The following ASDURF variants were observed in gnomAD, a reference collection of about 807,000 sequenced individuals.
The protein encoded by ASDURF is ASDURF protein.
Under a neutral mutation model 3.3 loss-of-function variants are expected in ASDURF, and 3 were observed. The observed-to-expected ratio is 0.92, with a 90% CI of 0.42 to 2.37. The LOEUF (loss-of-function observed/expected upper bound fraction) is 2.37. ASDURF is among the 30% of genes most tolerant of loss of function. The pLI, the probability that ASDURF is intolerant of heterozygous loss-of-function variation, is 0.05. For synonymous variants in ASDURF, 11 were observed against 8.3 expected, an observed-to-expected ratio of 1.32 and a Z score of -0.55; for missense variants, 23 against 25.4, an observed-to-expected ratio of 0.90 and a Z score of 0.21.
At position 189,665,617 on chromosome 2, in the gene ASDURF, T is replaced by TAC. The variant is rs1559034463; in HGVS notation, c.220+167_220+168insCA. Reference sequence around the variant, plus strand: ...ATATGTGTATATATATATATATATATATATATATATATATATATATATATA... The same window carrying TAC: ...ATATGTGTATATATATATATATATATACATATATATATATATATATATATATA... On this transcript the variant is annotated intron_variant, in intron 3 of 3. Coordinates refer to ENST00000607829, the MANE Select transcript of ASDURF (RefSeq NM_001353493.2). 2.0e-4 allele frequency among the ~76,000 whole-genome samples: 22 copies of TAC among 110,160 alleles called. 2 individuals are homozygous for TAC. The highest frequency in any genetic ancestry group is 8.3e-4 in the African/African-American group (22 of 26,460). The allele number at this position is 110,160 out of a possible 152,430, so 72.3% of individuals were successfully genotyped here. A position where few individuals can be genotyped will look rare whatever the true frequency, so the allele number is the denominator to read the frequency against.
At chr2:189,665,644 A>ATATATATATATATATATATATG (rs1455945789) in intron 3 of ASDURF, among the ~76,000 whole-genome samples, 193 bp downstream of exon 3, 29 of 123,740 alleles carry the variant, frequency 2.3e-4, no homozygotes, top group South Asian at 7.1e-4. Context: ...ATATATATAT[A>ATATATATATATATATATATATG]TATTATAAAT....
intron 1 of ASDURF, among the ~76,000 whole-genome samples, chr2:189,663,166 T>A (rs184959855): frequency 2.6e-4 from 39 of 151,996 alleles, no homozygotes; most frequent in South Asian, 4.1e-4. Flanking sequence ...TGCTTTTTTT[T>A]AAATCTAAAT....
At chr2:189,663,252 T>TTTATTTAA (rs2032711289) in intron 1 of ASDURF, among the ~76,000 whole-genome samples, 1 of 151,590 alleles carries the variant, frequency 6.6e-6, no homozygotes, top group Non-Finnish European at 1.5e-5. Context: ...TTTTAAATTA[T>TTTATTTAA]TTATTTATTT....
intron 2 of ASDURF, among the ~76,000 whole-genome samples, chr2:189,664,541 A>G (rs571143913): frequency 6.6e-6 from 1 of 152,334 alleles, no homozygotes. Flanking sequence ...TTATGTAATA[A>G]CTGGCTGGTT....
At chr2:189,665,984 G>A in intron 3 of ASDURF, 57 bp from the exon 4 acceptor site, 1 of 842,052 alleles carries the variant, frequency 1.2e-6, no homozygotes, top group Non-Finnish European at 1.7e-6. Context: ...TGAATTGCTA[G>A]GTAAAAGTCC....
At chr2:189,665,102 GTAT>G (rs964833610) in intron 2 of ASDURF, among the ~76,000 whole-genome samples, 39 of 152,274 alleles carry the variant, frequency 2.6e-4, no homozygotes, top group African/African-American at 8.9e-4. Context: ...ATAAGAAAAA[GTAT>G]TCTCAATATA....
chr2:189,665,527 A>G, intron 3 of ASDURF, 76 bp downstream of exon 3: 1 of 368,824 alleles, frequency 2.7e-6, no homozygotes, highest in Non-Finnish European at 4.8e-6. Context: ...ATATATCTAA[A>G]GATTAATGCA....
chr2:189,666,200 T>C lies in ASDURF; in HGVS notation c.*89T>C, dbSNP rs1559034700. 1.9e-6 allele frequency: 3 copies of C among 1,610,814 alleles called. No homozygotes were observed. In the East Asian group the frequency reaches 6.7e-5, roughly 36 times the overall value. Reference sequence around the variant, plus strand: ...TTCAGTCAAGATTTAAAAGAGGACTTACTATATAATCTTAAACAGCGGGGA... The same window carrying C: ...TTCAGTCAAGATTTAAAAGAGGACTCACTATATAATCTTAAACAGCGGGGA... On this transcript the variant is annotated 3_prime_UTR_variant, in exon 4 of 4. Transcript: ENST00000607829.
chr2:189,665,616 A>ATATATATATATATATATG (rs2032778671), intron 3 of ASDURF, among the ~76,000 whole-genome samples, 165 bp downstream of exon 3: 1 of 107,000 alleles, frequency 9.3e-6, no homozygotes, highest in African/African-American at 3.7e-5. Context: ...ATATATATAT[A>ATATATATATATATATATG]TATATATATA....
At chr2:189,661,751 C>G (rs1252668438) in intron 1 of ASDURF, 141 bp downstream of exon 1, 4 of 397,452 alleles carry the variant, frequency 1.0e-5, no homozygotes, top group Non-Finnish European at 1.8e-5. Context: ...ATTCATAGCA[C>G]TTGACAGCCA....
intron 3 of ASDURF, among the ~76,000 whole-genome samples, 183 bp downstream of exon 3, chr2:189,665,634 A>ATGTGTG (rs1254218394): frequency 1.6e-5 from 2 of 124,596 alleles, no homozygotes; most frequent in Non-Finnish European, 3.4e-5. Flanking sequence ...ATATATATAT[A>ATGTGTG]TATATATATA....
intron 1 of ASDURF, among the ~76,000 whole-genome samples, chr2:189,663,069 C>T (rs770717171): frequency 1.1e-4 from 17 of 151,594 alleles, no homozygotes; most frequent in Non-Finnish European, 1.9e-4. Flanking sequence ...CCAAATAGGG[C>T]ATTGCTTGAT....
chr2:189,662,228 G>A (rs1015670082), intron 1 of ASDURF, among the ~76,000 whole-genome samples: 6 of 152,180 alleles, frequency 3.9e-5, no homozygotes, highest in Admixed American at 2.6e-4. Context: ...GAGAGAGGAA[G>A]CCAATATAAT....
chr2:189,662,023 C>A (rs1015535844), intron 1 of ASDURF, among the ~76,000 whole-genome samples: 1 of 152,208 alleles, frequency 6.6e-6, no homozygotes, highest in African/African-American at 2.4e-5. Context: ...AAGCTCATTT[C>A]AAATATGTCC....
At chr2:189,663,726 C>T (rs550484778) in intron 1 of ASDURF, among the ~76,000 whole-genome samples, 175 bp from the exon 2 acceptor site, 1 of 152,152 alleles carries the variant, frequency 6.6e-6, no homozygotes, top group Non-Finnish European at 1.5e-5. Context: ...GAACTGTACC[C>T]CCACACAGAG....
Position 189,661,501 on chromosome 2 carries a change from G to C in ASDURF, c.-20G>C, listed in dbSNP as rs536023125. ...CTCCTTCAGGGCTGAGCCATCCCGC[G>C]TGTCTTGCGCTCGGTGGAAATGCCC... On this transcript the variant is annotated 5_prime_UTR_variant, in exon 1 of 4. Transcript: ENST00000607829. 8.8e-5 allele frequency: 35 copies of C among 399,226 alleles called. No homozygotes were observed. In the East Asian group the frequency reaches 1.1e-3, roughly 13 times the overall value. The allele number at this position is 399,226 out of a possible 1,614,324, so 24.7% of individuals were successfully genotyped here.
chr2:189,665,995 A>C, intron 3 of ASDURF, 46 bp from the exon 4 acceptor site: 1 of 1,021,394 alleles, frequency 9.8e-7, no homozygotes, highest in Non-Finnish European at 1.3e-6. Context: ...GTAAAAGTCC[A>C]AGAATTTTTA....
Position 189,666,305 on chromosome 2 carries a change from G to T in ASDURF, c.*194G>T. 1 of 1,613,962 alleles carries T rather than the reference G, an allele frequency of 6.2e-7. No homozygotes were observed. Among genetic ancestry groups the T allele is most frequent in the Non-Finnish European group, 8.5e-7 (1 of 1,179,932 alleles). On this transcript the variant is annotated 3_prime_UTR_variant, in exon 4 of 4. Transcript: ENST00000607829. ...TCTGCTCACGTCCTACACTTGAGGG[G>T]TGTTTTGACTACCCAGCCTGTGGAA...
rs970043674 is a variant in ASDURF at position 189,663,974 on chromosome 2, C to T, written c.144+20C>T. 15 of 385,664 alleles carry T rather than the reference C, an allele frequency of 3.9e-5. No individual in the cohort carries two copies. Among genetic ancestry groups the T allele is most frequent in the Non-Finnish European group, 5.1e-5 (11 of 217,066 alleles). The allele number at this position is 385,664 out of a possible 1,614,324, so 23.9% of individuals were successfully genotyped here. A position where few individuals can be genotyped will look rare whatever the true frequency, so the allele number is the denominator to read the frequency against. On this transcript the variant is annotated intron_variant, in intron 2 of 3. Coordinates refer to ENST00000607829, the MANE Select transcript of ASDURF (RefSeq NM_001353493.2). ...AATAGGGTGAGTTATTATAGGAATT[C>T]TGAATAATATGTGGGAGGTTTATTT...
Sources: gnomAD v4.1 joint callset for allele counts (sites outside exome capture counted in the v4.1 genomes callset) on GRCh38, gnomAD v4.1.1 for gene constraint, MANE v1.5 for transcripts, NCBI Gene and HGNC (gene_info 2026-07-23, HGNC 2026-07-21) for gene names.